Variants in CNGB1 observed in about 807,000 individuals in gnomAD.
CNGB1 encodes cyclic nucleotide-gated channel beta-1.
CNGB1 carries 126 observed loss-of-function variants against 151.7 expected under a neutral mutation model. The ratio of observed to expected loss-of-function variants is 0.83; its 90% CI spans 0.72 to 0.96. The LOEUF is 0.96. Ranked by LOEUF, CNGB1 falls within the 40% of genes least tolerant of loss-of-function variation. CNGB1 has a pLI of 0.00. For missense variants in CNGB1, 1,698 were observed against 1,627.0 expected, an observed-to-expected ratio of 1.04 and a Z score of -0.75; for synonymous variants, 623 against 635.1, an observed-to-expected ratio of 0.98 and a Z score of 0.29.
intron 11 of CNGB1, among the ~76,000 whole-genome samples, chr16:57,957,687 C>T (rs1962125742): frequency 1.3e-5 from 2 of 152,246 alleles, no homozygotes; most frequent in African/African-American, 4.8e-5. Context: ...CAGGACCTGG[C>T]CAGGCCTTCC....
At chr16:57,885,327 A>AT (rs796933417) in intron 32 of CNGB1, among the ~76,000 whole-genome samples, 4 of 152,154 alleles carry the variant, frequency 2.6e-5, no homozygotes, top group African/African-American at 9.6e-5. Context: ...AAGTCATAGG[A>AT]TATTGAAGGA....
chr16:57,916,783 G>C (rs1960877841), intron 21 of CNGB1, among the ~76,000 whole-genome samples: 1 of 152,158 alleles, frequency 6.6e-6, no homozygotes, highest in Non-Finnish European at 1.5e-5. Context: ...GCCCAAGTAG[G>C]AGAGCATCAG....
At chr16:57,955,253 T>G (rs1292702558) in intron 12 of CNGB1, 2 of 1,546,302 alleles carry the variant, frequency 1.3e-6, no homozygotes, top group Non-Finnish European at 1.7e-6. Flanking sequence ...AGTGGCCACC[T>G]CCCCCGGGAA....
At chr16:57,896,599 G>A (rs566171870) in intron 31 of CNGB1, among the ~76,000 whole-genome samples, 1 of 152,164 alleles carries the variant, frequency 6.6e-6, no homozygotes, top group South Asian at 2.1e-4. Flanking sequence ...TGTAATCCCA[G>A]CTACTCAGGA....
chr16:57,909,951 T>C (rs1216610415), intron 25 of CNGB1, among the ~76,000 whole-genome samples: 10 of 152,244 alleles, frequency 6.6e-5, no homozygotes, highest in Admixed American at 4.6e-4. Context: ...GGTTGTGAAT[T>C]ACTGTGTTCA....
intron 16 of CNGB1, among the ~76,000 whole-genome samples, chr16:57,932,400 C>CTTTT (rs36048770): frequency 4.0e-5 from 5 of 124,500 alleles, no homozygotes; most frequent in Admixed American, 8.2e-5. Flanking sequence ...CTTAAAGATT[C>CTTTT]TTTTTTTTTT....
In CNGB1 at chr16:57,901,609, C is replaced by G; in HGVS notation, c.2811G>C (p.Met937Ile). Reference protein sequence around the residue: ...SQGMLDESELMVQLPDKMRLD... With the variant: ...SQGMLDESELIVQLPDKMRLD... ...GCCGCATCTTGTCTGGAAGCTGCAC[C>G]ATCAGCTCTGACTCATCTGTGAACA... Residue 937 changes from methionine (M) to isoleucine (I), a missense_variant, in exon 28 of 33, where the codon ATG (methionine) becomes ATC (isoleucine). Met to Ile is a conservative substitution (Grantham distance 10, BLOSUM62 1). Transcript: ENST00000251102. The G allele has an allele frequency of 1.2e-6, 2 of 1,614,004 alleles. No individual in the cohort carries two copies.
At chr16:57,932,405 T>TC (rs1217266680) in intron 16 of CNGB1, among the ~76,000 whole-genome samples, 1 of 144,652 alleles carries the variant, frequency 6.9e-6, no homozygotes, top group Non-Finnish European at 1.6e-5. Flanking sequence ...AGATTCTTTT[T>TC]TTTTTTTTTT....
chr16:57,904,768 G>T lies in CNGB1; in HGVS notation c.2600C>A (p.Thr867Lys). The change falls in exon 26 of 33, where the codon ACG (threonine) becomes AAG (lysine). Residue 867 changes from threonine to lysine, a missense_variant. Thr to Lys is a moderately conservative substitution (Grantham distance 78, BLOSUM62 -1). Coordinates refer to ENST00000251102, the MANE Select transcript of CNGB1 (RefSeq NM_001297.5). The stretch of plus-strand genomic sequence containing the variant: ...CATCACAGAGAAAGCAAAGACGCCC[G>T]TGAAATAATTCAGCAGCTGGAAGAC... ...EIVFQLLNYF[T>K]GVFAFSVMIG... 13 of 1,614,200 alleles carry T rather than the reference G, an allele frequency of 8.1e-6. No homozygotes were observed. Among genetic ancestry groups the T allele is most frequent in the Non-Finnish European group, 9.3e-6 (11 of 1,180,036 alleles).
At chr16:57,905,025 C>T in intron 25 of CNGB1, 150 bp from the exon 26 acceptor site, 1 of 949,164 alleles carries the variant, frequency 1.1e-6, no homozygotes, top group Admixed American at 2.2e-5. Flanking sequence ...CCACCTCCTG[C>T]ACGTGTAGAG....
intron 14 of CNGB1, among the ~76,000 whole-genome samples, chr16:57,942,449 A>G (rs919747776): frequency 1.2e-4 from 19 of 152,254 alleles, no homozygotes; most frequent in African/African-American, 4.3e-4. Context: ...GAACTATCTG[A>G]AAAAGAAATG....
intron 31 of CNGB1, among the ~76,000 whole-genome samples, chr16:57,895,853 G>A (rs559454767): frequency 4.6e-5 from 7 of 152,250 alleles, no homozygotes; most frequent in African/African-American, 1.4e-4. Context: ...GGTCACAAAT[G>A]AGCCACCTTG....
intron 4 of CNGB1, chr16:57,963,778 TG>T (rs1962321213): frequency 6.4e-6 from 2 of 312,834 alleles, no homozygotes; most frequent in African/African-American, 4.2e-5. Context: ...CTGTTTCTTT[TG>T]GTCACATTGC....
At chr16:57,967,408 T>C (rs1220286641) in intron 1 of CNGB1, 114 bp from the exon 2 acceptor site, 1 of 1,152,298 alleles carries the variant, frequency 8.7e-7, no homozygotes, top group Non-Finnish European at 1.3e-6. Flanking sequence ...TTTAAAAACA[T>C]TTCGACTGGG....
intron 2 of CNGB1, among the ~76,000 whole-genome samples, chr16:57,966,218 A>G (rs530026928): frequency 3.9e-5 from 6 of 152,336 alleles, no homozygotes; most frequent in Admixed American, 3.9e-4. Flanking sequence ...GGGAGAGTTG[A>G]GGCCAATGTT....
chr16:57,884,121 A>T lies in CNGB1; in HGVS notation c.*43T>A. 3.7e-6 allele frequency: 6 copies of T among 1,612,856 alleles called. No homozygotes were observed. The highest frequency in any genetic ancestry group is 5.1e-6 in the Non-Finnish European group (6 of 1,179,110). ...CGCAGGGGCGCAGCGGGCGCTGGGG[A>T]CACACCTGCTGGAACTGCGCGCGGG... On this transcript the variant is annotated 3_prime_UTR_variant, in exon 33 of 33. Transcript: ENST00000251102.
chr16:57,926,288 T>C (rs547624725), intron 17 of CNGB1, among the ~76,000 whole-genome samples: 1 of 152,096 alleles, frequency 6.6e-6, no homozygotes, highest in Non-Finnish European at 1.5e-5. Context: ...TGAGGGCCAA[T>C]CAGAGAGCTG....
intron 14 of CNGB1, chr16:57,946,585 T>G (rs1443654549): frequency 6.6e-6 from 1 of 152,186 alleles, no homozygotes; most frequent in Non-Finnish European, 1.5e-5. Context: ...GGCAGAAGCA[T>G]CCCCAGGGAG....
Position 57,884,170 on chromosome 16 carries a change from C to A in CNGB1, c.3750G>T (p.Ala1250=), listed in dbSNP as rs553830954. The stretch of plus-strand genomic sequence containing the variant: ...GGATCCGCCTCACCCCACCTTACTC[C>A]GCCTTCTCCTCCCTTTCCTCCGGCA... ...VKMPEEREEK[A]E Residue 1250 remains alanine, a synonymous_variant, in exon 33 of 33, where the codon GCG becomes GCT. Coordinates refer to ENST00000251102, the MANE Select transcript of CNGB1 (RefSeq NM_001297.5). 1 of 1,614,056 alleles carries A rather than the reference C, an allele frequency of 6.2e-7. No individual in the cohort carries two copies.
Sources: allele counts gnomAD v4.1 joint callset (sites outside exome capture counted in the v4.1 genomes callset), GRCh38; gene constraint gnomAD v4.1.1; transcripts MANE v1.5; gene names NCBI Gene and HGNC (gene_info 2026-07-23, HGNC 2026-07-21).